Variants in EXD3 observed in about 807,000 individuals in gnomAD.
The protein encoded by EXD3 is exonuclease mut-7 homolog.
In EXD3, 92 loss-of-function variants were observed where a neutral mutation model predicts 98.0. That is an observed-to-expected ratio of 0.94 (90% CI 0.79 to 1.12). The LOEUF is 1.12. Ranked by LOEUF, EXD3 falls within the 50% of genes most tolerant of loss-of-function variation. The probability of loss-of-function intolerance (pLI) is 0.00; values close to 1 mark genes in which losing one functional copy is unlikely to be tolerated. For synonymous variants in EXD3, 569 were observed against 526.0 expected, an observed-to-expected ratio of 1.08 and a Z score of -1.12; for missense variants, 1,222 against 1,191.6, an observed-to-expected ratio of 1.03 and a Z score of -0.38.
intron 17 of EXD3, among the ~76,000 whole-genome samples, chr9:137,341,026 C>T (rs1336429584): frequency 6.6e-6 from 1 of 152,170 alleles, no homozygotes; most frequent in Non-Finnish European, 1.5e-5. Flanking sequence ...ACGTAAAACT[C>T]AAGGCCAAGC....
chr9:137,402,434 C>T (rs1421157074), intron 1 of EXD3, among the ~76,000 whole-genome samples: 1 of 152,224 alleles, frequency 6.6e-6, no homozygotes, highest in Non-Finnish European at 1.5e-5. Context: ...ATCTCTAGGA[C>T]AGGCACAAAA....
At chr9:137,367,075 G>A (rs975292510) in intron 6 of EXD3, among the ~76,000 whole-genome samples, 7 of 152,194 alleles carry the variant, frequency 4.6e-5, no homozygotes, top group African/African-American at 1.7e-4. Context: ...TGGGCCTTGG[G>A]GCACACCAGC....
At chr9:137,404,454 T>A (rs1480891662) in intron 1 of EXD3, among the ~76,000 whole-genome samples, 2 of 152,178 alleles carry the variant, frequency 1.3e-5, no homozygotes, top group Non-Finnish European at 2.9e-5. Context: ...ACTCTACCAC[T>A]CTCCACTTTT....
At chr9:137,354,881 G>T in intron 8 of EXD3, 108 bp from the exon 9 acceptor site, 1 of 1,089,190 alleles carries the variant, frequency 9.2e-7, no homozygotes, top group Non-Finnish European at 1.3e-6. Context: ...CCCCTTCACC[G>T]TCCTCCACCT....
Position 137,324,111 on chromosome 9 carries a change from C to A in EXD3, c.2031G>T (p.Thr677=), listed in dbSNP as rs370076961. Residue 677 remains threonine, a synonymous_variant, in exon 18 of 22, where the codon ACG becomes ACT. Coordinates refer to ENST00000340951, the MANE Select transcript of EXD3 (RefSeq NM_017820.5). The surrounding 1 kb of genome is among the most constrained non-coding windows in gnomAD (Gnocchi z 4.1). The part of the protein sequence containing the change: ...VARQEGRIIL[T]SGQPFHKLRA... ...TCACCTTGTGGAATGGCTGCCCCGA[C>A]GTCAGAATGATCCTCCCCTCCTGCC... 1 of 1,588,466 alleles carries A rather than the reference C, an allele frequency of 6.3e-7. No individual in the cohort carries two copies.
At chr9:137,330,995 G>C (rs1172765593) in intron 17 of EXD3, among the ~76,000 whole-genome samples, 2 of 152,150 alleles carry the variant, frequency 1.3e-5, no homozygotes, top group Admixed American at 1.3e-4. Context: ...AGCAGGGAAG[G>C]TATGAAAGAC....
chr9:137,368,578 A>G (rs1036919246), intron 5 of EXD3, among the ~76,000 whole-genome samples: 2 of 152,180 alleles, frequency 1.3e-5, no homozygotes, highest in African/African-American at 4.8e-5. Context: ...CTGAGCTGCT[A>G]TTAATAATTT....
chr9:137,418,426 A>C (rs1384851433), intron 1 of EXD3, among the ~76,000 whole-genome samples: 1 of 152,260 alleles, frequency 6.6e-6, no homozygotes, highest in Non-Finnish European at 1.5e-5. Flanking sequence ...ACTAAGCGTA[A>C]GTTTAAGCTT....
rs111258160 is a variant in EXD3, at chr9:137,349,397, C to T, written c.1629G>A (p.Pro543=). The T allele has an allele frequency of 7.7e-5, 123 of 1,594,666 alleles. 1 individual carries two copies. In the East Asian group the frequency reaches 8.5e-4, roughly 11 times the overall value. Residue 543 remains proline (P), a synonymous_variant, in exon 15 of 22, where the codon CCG becomes CCA. Coordinates refer to ENST00000340951, the MANE Select transcript of EXD3 (RefSeq NM_017820.5). This position sits in a 1 kb window ranked among gnomAD's most constrained non-coding sequence, Gnocchi z 7.4. ...CGTAGATGACCTGCTCCTCGCAGAG[C>T]GGCCTCCGGTCCCAGTTGGACAGCT... is the stretch of plus-strand genomic sequence containing the variant. ...TQQLSNWDRR[P]LCEEQVIYAA...
At position 137,371,521 on chromosome 9, in the gene EXD3, G is replaced by A. The variant is rs755510445; in HGVS notation, c.462+1384C>T. Reference sequence around the variant, plus strand: ...GAACCCAGGGTGCCATCGGGACGGCGTCTCAGCAGCAGGGTCCCACGTGGG... The same window carrying A: ...GAACCCAGGGTGCCATCGGGACGGCATCTCAGCAGCAGGGTCCCACGTGGG... On this transcript the variant is annotated intron_variant, in intron 5 of 21. Coordinates refer to ENST00000340951, the MANE Select transcript of EXD3 (RefSeq NM_017820.5). The surrounding 1 kb of genome is among the most constrained non-coding windows in gnomAD (Gnocchi z 8.0). Among the ~76,000 whole-genome samples, 1 of 152,120 alleles carries A rather than the reference G, an allele frequency of 6.6e-6. No homozygotes were observed. The highest frequency in any genetic ancestry group is 1.5e-5 in the Non-Finnish European group (1 of 67,982).
intron 10 of EXD3, chr9:137,353,608 C>T (rs768161762): frequency 7.1e-6 from 7 of 985,820 alleles, no homozygotes; most frequent in East Asian, 1.1e-4. Flanking sequence ...CCGCAGCCAC[C>T]GTGGCAGCGC....
intron 17 of EXD3, among the ~76,000 whole-genome samples, chr9:137,329,586 A>G (rs369977890): frequency 7.6e-3 from 18 of 2,376 alleles, no homozygotes; most frequent in Admixed American, 9.8e-3. Flanking sequence ...GCTACACGGG[A>G]CTACACGGGA....
At chr9:137,356,504 C>T in intron 7 of EXD3, 136 bp from the exon 8 acceptor site, 1 of 626,442 alleles carries the variant, frequency 1.6e-6, no homozygotes, top group Non-Finnish European at 2.8e-6. Context: ...GGCGTCACCG[C>T]CCCCCGCCCA....
chr9:137,330,924 G>A (rs1436149289), intron 17 of EXD3, among the ~76,000 whole-genome samples: 1 of 152,148 alleles, frequency 6.6e-6, no homozygotes, highest in African/African-American at 2.4e-5. Context: ...AAACAAACAT[G>A]ATAATGTCTA....
intron 1 of EXD3, among the ~76,000 whole-genome samples, chr9:137,404,266 G>A (rs71510821): frequency 0.097 from 14,729 of 152,180 alleles, 969 homozygotes; most frequent in Non-Finnish European, 0.13. Context: ...ACAGCAGATC[G>A]CGGGTCCTTC....
At chr9:137,397,555 G>C (rs761519846) in intron 1 of EXD3, among the ~76,000 whole-genome samples, 1 of 152,088 alleles carries the variant, frequency 6.6e-6, no homozygotes, top group Non-Finnish European at 1.5e-5. Context: ...TAAACAAGTG[G>C]AAAAACACAA....
intron 8 of EXD3, among the ~76,000 whole-genome samples, chr9:137,356,044 G>T (rs1813839539): frequency 6.6e-6 from 1 of 152,208 alleles, no homozygotes; most frequent in South Asian, 2.1e-4. Context: ...TAGGTGGGCA[G>T]AGGAGCTCAT....
intron 6 of EXD3, among the ~76,000 whole-genome samples, chr9:137,367,240 G>A (rs1011659710): frequency 6.6e-6 from 1 of 152,180 alleles, no homozygotes. Context: ...GACAGTCCTC[G>A]GGCAGAACGC....
intron 7 of EXD3, among the ~76,000 whole-genome samples, chr9:137,359,248 C>A (rs1247679389): frequency 1.2e-5 from 1 of 83,022 alleles, no homozygotes; most frequent in African/African-American, 3.3e-5. Flanking sequence ...GGATTACAGG[C>A]GTGAGCCACC....
Sources: gnomAD v4.1 joint callset for allele counts (sites outside exome capture counted in the v4.1 genomes callset) on GRCh38, gnomAD v4.1.1 for gene constraint, Gnocchi (gnomAD v3.1) non-coding constraint, MANE v1.5 for transcripts, NCBI Gene and HGNC (gene_info 2026-07-23, HGNC 2026-07-21) for gene names.